LRRC37A2: variants seen among roughly 807,000 people sequenced by gnomAD.
The protein encoded by LRRC37A2 is leucine-rich repeat-containing protein 37A2.
A neutral mutation model predicts 68.8 loss-of-function variants in LRRC37A2; 9 were observed. That is an observed-to-expected ratio of 0.13 (90% CI 0.08 to 0.23). LRRC37A2 has a LOEUF of 0.23. LRRC37A2 is among the 10% of genes least tolerant of loss of function. The pLI, the probability that LRRC37A2 is intolerant of heterozygous loss-of-function variation, is 1.00. For synonymous variants in LRRC37A2, 63 were observed against 367.6 expected (o/e 0.17, Z 9.48); for missense variants, 168 against 950.4 (o/e 0.18, Z 10.82).
chr17:46,707,433 G>T, the LRRC37A2 span, among the ~76,000 whole-genome samples: 41 of 152,004 alleles, frequency 2.7e-4, no homozygotes, highest in African/African-American at 9.9e-4. Context: ...TAGTTCAGTG[G>T]TATTAAGTAT....
chr17:46,955,915 T>C, the LRRC37A2 span, among the ~76,000 whole-genome samples: 2 of 152,210 alleles, frequency 1.3e-5, no homozygotes, highest in Admixed American at 1.3e-4. Flanking sequence ...TCCATCAGAC[T>C]AGCAACTTCC....
chr17:46,758,508 C>T, the LRRC37A2 span, among the ~76,000 whole-genome samples: 5 of 152,124 alleles, frequency 3.3e-5, no homozygotes, highest in East Asian at 1.9e-4. Flanking sequence ...CATCTATAGG[C>T]GAATTGTTAA....
chr17:46,843,454 G>C, the LRRC37A2 span, among the ~76,000 whole-genome samples: 2 of 152,080 alleles, frequency 1.3e-5, no homozygotes, highest in South Asian at 2.1e-4. Context: ...AAATCACTCT[G>C]CAAAATCCAG....
At chr17:46,802,516 C>A in the LRRC37A2 span, among the ~76,000 whole-genome samples, 2 of 152,204 alleles carry the variant, frequency 1.3e-5, no homozygotes, top group Non-Finnish European at 2.9e-5. Context: ...GATCCACCTG[C>A]CTCGGCCTCC....
the LRRC37A2 span, among the ~76,000 whole-genome samples, chr17:46,723,605 T>C: frequency 2.0e-5 from 3 of 152,210 alleles, no homozygotes; most frequent in African/African-American, 7.2e-5. Context: ...AATGTACTCA[T>C]GATCCATTTT....
At chr17:46,901,237 C>T in the LRRC37A2 span, among the ~76,000 whole-genome samples, 4 of 152,178 alleles carry the variant, frequency 2.6e-5, no homozygotes, top group Non-Finnish European at 2.9e-5. Flanking sequence ...TCTCAGCTCA[C>T]TGCAACCTCT....
the LRRC37A2 span, among the ~76,000 whole-genome samples, chr17:46,919,092 G>A: frequency 6.6e-6 from 1 of 152,172 alleles, no homozygotes; most frequent in South Asian, 2.1e-4. Context: ...ATATTAAAGA[G>A]CTTCTATGGT....
the LRRC37A2 span, chr17:46,755,478 G>T: frequency 2.0e-6 from 2 of 985,280 alleles, no homozygotes; most frequent in Non-Finnish European, 3.2e-6. Context: ...CCATTTATTT[G>T]AATTCTTCGC....
the LRRC37A2 span, among the ~76,000 whole-genome samples, chr17:46,851,392 G>T: frequency 2.0e-5 from 3 of 151,410 alleles, no homozygotes; most frequent in African/African-American, 7.3e-5. The surrounding 1 kb of genome is among the most constrained non-coding windows in gnomAD (Gnocchi z 4.3). Flanking sequence ...CGGAGGGCGG[G>T]GCAATGGGGG....
At chr17:46,608,096 G>A in the LRRC37A2 span, among the ~76,000 whole-genome samples, 2 of 123,888 alleles carry the variant, frequency 1.6e-5, no homozygotes, top group Non-Finnish European at 3.3e-5. Context: ...GGATCACGAG[G>A]TCAGGAGATC....
chr17:47,008,270 C>T, the LRRC37A2 span, among the ~76,000 whole-genome samples: 1 of 151,254 alleles, frequency 6.6e-6, no homozygotes, highest in Non-Finnish European at 1.5e-5. Flanking sequence ...ACCACCATGC[C>T]CGGCTAACTT....
the LRRC37A2 span, among the ~76,000 whole-genome samples, chr17:46,466,848 G>T: frequency 3.9e-5 from 4 of 102,566 alleles, no homozygotes; most frequent in African/African-American, 7.8e-5. Flanking sequence ...CATGGTACTG[G>T]TACCAAAACA....
chr17:46,938,797 GC>G, the LRRC37A2 span: 1 of 1,612,916 alleles, frequency 6.2e-7, no homozygotes, highest in Non-Finnish European at 8.5e-7. Flanking sequence ...CATTCCCACA[GC>G]CTGCAAGTGT....
At chr17:46,941,655 C>T in the LRRC37A2 span, 2 of 161,048 alleles carry the variant, frequency 1.2e-5, no homozygotes, top group African/African-American at 4.8e-5. Flanking sequence ...CTCACTGCAT[C>T]CTCTGCCTCC....
rs969792756 is a variant in LRRC37A2 at position 46,532,056 on chromosome 17, C to T, written c.2907-8120C>T. 3.3e-4 allele frequency among the ~76,000 whole-genome samples: 49 copies of T among 150,282 alleles called. 5 individuals are homozygous for T. Among genetic ancestry groups the T allele is most frequent in the African/African-American group, 1.2e-3 (48 of 39,938 alleles). ...TTCAGGTGACGCCATTACACTCAAG[C>T]CTGGGCAACAGAGTGAGACTCCAAT... On this transcript the variant is annotated intron_variant, in intron 6 of 14. Transcript: ENST00000576629.
the LRRC37A2 span, among the ~76,000 whole-genome samples, chr17:46,891,911 T>C: frequency 2.5e-5 from 3 of 120,390 alleles, no homozygotes; most frequent in African/African-American, 3.7e-5. Flanking sequence ...TTCTTTTCTT[T>C]TCTTTTCTTT....
chr17:46,554,926 C>CCGGA, intron 12 of LRRC37A2: 1 of 268,660 alleles, frequency 3.7e-6, no homozygotes. Flanking sequence ...ATACAAAGTC[C>CCGGA]CCCCAGTATA....
At chr17:46,676,204 C>T in the LRRC37A2 span, among the ~76,000 whole-genome samples, 1 of 145,206 alleles carries the variant, frequency 6.9e-6, no homozygotes, top group South Asian at 2.1e-4. Flanking sequence ...GGAATGGAAG[C>T]TGGGAAATCT....
the LRRC37A2 span, chr17:46,935,224 C>G: frequency 6.2e-7 from 1 of 1,612,074 alleles, no homozygotes; most frequent in Non-Finnish European, 8.5e-7. Flanking sequence ...CCTCATCCAA[C>G]AGTTTAGTAA....
Sources: allele counts gnomAD v4.1 joint callset (sites outside exome capture counted in the v4.1 genomes callset), GRCh38; gene constraint gnomAD v4.1.1; non-coding constraint Gnocchi (gnomAD v3.1); transcripts MANE v1.5; gene names NCBI Gene and HGNC (gene_info 2026-07-23, HGNC 2026-07-21).